Variants in NFATC2 observed in about 807,000 individuals in gnomAD.
NFATC2 encodes nuclear factor of activated T cells 2, also known as nuclear factor of activated T-cells, cytoplasmic 2.
Under a neutral mutation model 87.3 loss-of-function variants are expected in NFATC2, and 22 were observed. That is an observed-to-expected ratio of 0.25 (90% CI 0.18 to 0.36). The LOEUF (loss-of-function observed/expected upper bound fraction) is 0.36, where lower values mean the gene tolerates loss of function less well. Among genes scored for constraint, NFATC2 ranks in the 10% least tolerant of loss-of-function variants. The pLI is 1.00. For missense variants in NFATC2, 1,149 were observed against 1,259.1 expected, an observed-to-expected ratio of 0.91 and a Z score of 1.32; for synonymous variants, 565 against 542.2, an observed-to-expected ratio of 1.04 and a Z score of -0.58.
intron 3 of NFATC2, among the ~76,000 whole-genome samples, chr20:51,490,175 A>G (rs8123890): frequency 0.45 from 69,055 of 152,126 alleles, 16,609 homozygotes; most frequent in African/African-American, 0.6. Context: ...TGCTAAATAC[A>G]GGGCATTGTG....
chr20:51,559,724 T>C (rs751727462), intron 1 of NFATC2, among the ~76,000 whole-genome samples: 10 of 152,252 alleles, frequency 6.6e-5, no homozygotes. Flanking sequence ...AGGGCAGGAA[T>C]TGAGCACTCA....
chr20:51,435,073 G>A (rs1983358640), intron 8 of NFATC2, 115 bp downstream of exon 8: 8 of 1,306,548 alleles, frequency 6.1e-6, no homozygotes, highest in East Asian at 4.6e-5. Context: ...CTGAGGCTCA[G>A]AGAGGTTGAG....
chr20:51,533,914 G>A (rs1302605959), intron 1 of NFATC2, among the ~76,000 whole-genome samples: 4 of 152,232 alleles, frequency 2.6e-5, no homozygotes, highest in African/African-American at 9.6e-5. Context: ...CAGGCATGTG[G>A]CACACATAAG....
chr20:51,538,728 C>G (rs2076760012), intron 1 of NFATC2, among the ~76,000 whole-genome samples: 1 of 152,204 alleles, frequency 6.6e-6, no homozygotes, highest in African/African-American at 2.4e-5. Context: ...CCACTAGTAA[C>G]AGATCACATG....
intron 9 of NFATC2, among the ~76,000 whole-genome samples, chr20:51,402,477 T>TG (rs77779195): frequency 3.3e-4 from 12 of 36,000 alleles, no homozygotes; most frequent in East Asian, 1.8e-3. Flanking sequence ...TTGCTGCCTT[T>TG]GGAAAAAAAA....
At chr20:51,560,466 A>C (rs1256563105) in intron 1 of NFATC2, among the ~76,000 whole-genome samples, 1 of 152,212 alleles carries the variant, frequency 6.6e-6, no homozygotes, top group Non-Finnish European at 1.5e-5. Flanking sequence ...TCACAGGGCC[A>C]ATGCCGCTTT....
At chr20:51,498,782 A>G (rs1377785588) in intron 3 of NFATC2, among the ~76,000 whole-genome samples, 4 of 152,226 alleles carry the variant, frequency 2.6e-5, no homozygotes, top group African/African-American at 7.2e-5. Context: ...GTGAGACTTC[A>G]TCTCAAAACA....
At chr20:51,492,259 G>C (rs890847241) in intron 3 of NFATC2, among the ~76,000 whole-genome samples, 1 of 151,442 alleles carries the variant, frequency 6.6e-6, no homozygotes, top group African/African-American at 2.4e-5. Context: ...GCCTCCACCC[G>C]CTGGCACCAC....
intron 5 of NFATC2, among the ~76,000 whole-genome samples, chr20:51,468,324 T>A (rs945668178): frequency 1.3e-4 from 14 of 109,780 alleles, no homozygotes; most frequent in Middle Eastern, 4.6e-3. Flanking sequence ...TCCATAAAAA[T>A]ATATATATAT....
chr20:51,437,255 A>T (rs955311538), intron 6 of NFATC2, among the ~76,000 whole-genome samples: 2 of 152,202 alleles, frequency 1.3e-5, no homozygotes, highest in South Asian at 2.1e-4. Flanking sequence ...CTGGTTCTGA[A>T]GGATATTAAA....
At chr20:51,474,211 C>A in intron 4 of NFATC2, 59 bp from the exon 5 acceptor site, 1 of 1,582,706 alleles carries the variant, frequency 6.3e-7, no homozygotes, top group Non-Finnish European at 8.6e-7. Flanking sequence ...GGAAAGATCA[C>A]CCCCAAAGCT....
intron 5 of NFATC2, among the ~76,000 whole-genome samples, chr20:51,462,163 G>T (rs1454143601): frequency 6.6e-6 from 1 of 151,680 alleles, no homozygotes; most frequent in Admixed American, 6.6e-5. Context: ...GGCCGGGCAG[G>T]GTGACTTATG....
At chr20:51,394,721 C>A (rs1344626998) in intron 10 of NFATC2, among the ~76,000 whole-genome samples, 1 of 152,216 alleles carries the variant, frequency 6.6e-6, no homozygotes, top group Non-Finnish European at 1.5e-5. Flanking sequence ...TTGTCCTCCC[C>A]AAGTCGGCCT....
At chr20:51,422,216 C>A (rs1036391989) in intron 9 of NFATC2, among the ~76,000 whole-genome samples, 7 of 152,168 alleles carry the variant, frequency 4.6e-5, no homozygotes, top group Non-Finnish European at 1.0e-4. Context: ...TTGGGGTGCT[C>A]AAGGCTCATC....
At chr20:51,479,361 T>C (rs1215818314) in intron 3 of NFATC2, among the ~76,000 whole-genome samples, 1 of 152,166 alleles carries the variant, frequency 6.6e-6, no homozygotes, top group African/African-American at 2.4e-5. Flanking sequence ...CTCATGCCTG[T>C]AATCCCAGCA....
intron 8 of NFATC2, among the ~76,000 whole-genome samples, chr20:51,433,610 A>C (rs1193494988): frequency 1.3e-5 from 2 of 152,154 alleles, no homozygotes; most frequent in African/African-American, 4.8e-5. Context: ...AGTCACTGAA[A>C]TCACTCCTTC....
At chr20:51,487,805 AG>A (rs200868363) in intron 3 of NFATC2, among the ~76,000 whole-genome samples, 470 of 142,758 alleles carry the variant, frequency 3.3e-3, no homozygotes, top group African/African-American at 0.011. Flanking sequence ...TTTTGCCACA[AG>A]GGGGAAAAAA....
chr20:51,477,569 A>G (rs1988851753), intron 3 of NFATC2, among the ~76,000 whole-genome samples: 1 of 97,258 alleles, frequency 1.0e-5, no homozygotes, highest in Non-Finnish European at 2.3e-5. Context: ...ATATATATAT[A>G]TATATATATA....
chr20:51,506,139 G>C (rs1185850659), intron 3 of NFATC2, among the ~76,000 whole-genome samples: 1 of 152,162 alleles, frequency 6.6e-6, no homozygotes, highest in Non-Finnish European at 1.5e-5. Flanking sequence ...CTGTAAATGG[G>C]GTTAATGGCA....
Sources: gnomAD v4.1 joint callset for allele counts (sites outside exome capture counted in the v4.1 genomes callset) on GRCh38, gnomAD v4.1.1 for gene constraint, MANE v1.5 for transcripts, NCBI Gene and HGNC (gene_info 2026-07-23, HGNC 2026-07-21) for gene names.